CMC1: variants seen among roughly 807,000 people sequenced by gnomAD.
The protein encoded by CMC1 is COX assembly mitochondrial protein homolog.
A neutral mutation model predicts 14.1 loss-of-function variants in CMC1; 14 were observed. That is an observed-to-expected ratio of 0.99 (90% confidence interval 0.66 to 1.55). The LOEUF (loss-of-function observed/expected upper bound fraction) is 1.55, where lower values mean the gene tolerates loss of function less well. Among genes scored for constraint, CMC1 ranks in the 40% most tolerant of loss-of-function variants. The probability of loss-of-function intolerance (pLI) is 0.00; values close to 1 mark genes in which losing one functional copy is unlikely to be tolerated. For synonymous variants in CMC1, 50 were observed against 38.4 expected, an observed-to-expected ratio of 1.30 and a Z score of -1.12; for missense variants, 127 against 123.8, an observed-to-expected ratio of 1.03 and a Z score of -0.12.
intron 2 of CMC1, among the ~76,000 whole-genome samples, chr3:28,265,556 G>A (rs1301568754): frequency 2.0e-5 from 3 of 152,018 alleles, no homozygotes; most frequent in African/African-American, 7.3e-5. Context: ...ATTTTAATAA[G>A]TGATCTGACT....
intron 1 of CMC1, among the ~76,000 whole-genome samples, chr3:28,262,244 C>T (rs1487742806): frequency 6.6e-6 from 1 of 152,114 alleles, no homozygotes; most frequent in East Asian, 1.9e-4. Flanking sequence ...GGGTTTCAGA[C>T]ATTTCATCAG....
At chr3:28,267,128 G>GT (rs1346199176) in intron 2 of CMC1, among the ~76,000 whole-genome samples, 2 of 152,066 alleles carry the variant, frequency 1.3e-5, no homozygotes, top group East Asian at 3.9e-4. Flanking sequence ...TTTTCTAGCT[G>GT]TTTGACTTCA....
chr3:28,300,627 CTCCA>C (rs1291891752), intron 2 of CMC1, among the ~76,000 whole-genome samples: 6 of 128,564 alleles, frequency 4.7e-5, no homozygotes, highest in Admixed American at 3.8e-4. Context: ...CCCTCCCTCC[CTCCA>C]TCCCTTTCCC....
intron 2 of CMC1, among the ~76,000 whole-genome samples, chr3:28,310,285 C>A (rs1012377508): frequency 2.6e-4 from 39 of 152,324 alleles, no homozygotes; most frequent in African/African-American, 9.4e-4. Flanking sequence ...ATTGTTAGCT[C>A]CCACAGAGTA....
intron 2 of CMC1, chr3:28,292,965 G>T (rs935236192): frequency 6.6e-6 from 1 of 152,158 alleles, no homozygotes. Context: ...ATGTATCCAG[G>T]TAAATTTTAC....
intron 2 of CMC1, among the ~76,000 whole-genome samples, chr3:28,305,360 C>T (rs1013146648): frequency 5.9e-5 from 9 of 152,142 alleles, no homozygotes; most frequent in Admixed American, 4.6e-4. Flanking sequence ...CATAACTTTG[C>T]TGTTGTGAGT....
intron 1 of CMC1, among the ~76,000 whole-genome samples, chr3:28,254,331 T>C (rs1234061017): frequency 6.6e-6 from 1 of 152,210 alleles, no homozygotes; most frequent in African/African-American, 2.4e-5. Context: ...AAATTATAAT[T>C]AATAAATCAT....
chr3:28,297,377 A>T (rs1577068670), intron 2 of CMC1, among the ~76,000 whole-genome samples: 3 of 152,178 alleles, frequency 2.0e-5, no homozygotes, highest in Admixed American at 2.0e-4. Flanking sequence ...TTACTGTGGC[A>T]GCCTCATAGG....
intron 1 of CMC1, among the ~76,000 whole-genome samples, chr3:28,253,511 G>A (rs960799271): frequency 2.0e-5 from 3 of 152,056 alleles, no homozygotes; most frequent in African/African-American, 7.2e-5. Flanking sequence ...AACCTGGGAG[G>A]TAGAAGCTGC....
At chr3:28,260,411 T>G (rs1699675093) in intron 1 of CMC1, among the ~76,000 whole-genome samples, 1 of 152,124 alleles carries the variant, frequency 6.6e-6, no homozygotes, top group Admixed American at 6.5e-5. Flanking sequence ...GTTGTCAAGT[T>G]CATTGGCCTA....
intron 2 of CMC1, among the ~76,000 whole-genome samples, chr3:28,275,199 T>C (rs1443434536): frequency 1.3e-5 from 2 of 152,168 alleles, no homozygotes; most frequent in African/African-American, 4.8e-5. Flanking sequence ...TTCTGTGTTT[T>C]TTAGTTGATT....
intron 1 of CMC1, among the ~76,000 whole-genome samples, chr3:28,252,589 A>G (rs938998656): frequency 3.9e-5 from 6 of 152,212 alleles, no homozygotes; most frequent in African/African-American, 7.2e-5. Context: ...TGAATTTTCA[A>G]ATTTTGCTGG....
chr3:28,317,917 A>G (rs1379655517), intron 3 of CMC1: 2 of 151,926 alleles, frequency 1.3e-5, no homozygotes, highest in Admixed American at 1.3e-4. Context: ...GAAATACAAG[A>G]AGAAAATAAC....
At chr3:28,243,340 G>A (rs1454247578) in intron 1 of CMC1, among the ~76,000 whole-genome samples, 1 of 152,180 alleles carries the variant, frequency 6.6e-6, no homozygotes, top group Non-Finnish European at 1.5e-5. Flanking sequence ...ACAGGTGTGA[G>A]CCACCGCACC....
rs186776928 is a variant in CMC1, at chr3:28,279,013, T to C, written c.109+15633T>C. Among the ~76,000 whole-genome samples, 3 of 152,344 alleles carry C rather than the reference T, an allele frequency of 2.0e-5. No homozygotes were observed. In the East Asian group the frequency reaches 5.8e-4, roughly 29 times the overall value. ...AATTTGATAATGAGTTTATTCAGTTTATAAAGAGTTCTGTTTTTGGCATGG... is the reference window on the plus strand; with the variant it reads ...AATTTGATAATGAGTTTATTCAGTTCATAAAGAGTTCTGTTTTTGGCATGG... On this transcript the variant is annotated intron_variant, in intron 2 of 3. Transcript: ENST00000466830.
intron 2 of CMC1, chr3:28,315,053 C>T (rs560826971): frequency 1.3e-5 from 2 of 152,086 alleles, no homozygotes; most frequent in South Asian, 2.1e-4. Flanking sequence ...TTTGTAAGGA[C>T]GATGTTTAAG....
At chr3:28,252,592 T>A (rs943075890) in intron 1 of CMC1, among the ~76,000 whole-genome samples, 33 of 152,182 alleles carry the variant, frequency 2.2e-4, no homozygotes, top group African/African-American at 8.0e-4. Context: ...ATTTTCAAAT[T>A]TTGCTGGTTC....
intron 2 of CMC1, among the ~76,000 whole-genome samples, chr3:28,267,827 T>C (rs1024788298): frequency 6.6e-6 from 1 of 152,192 alleles, no homozygotes; most frequent in Non-Finnish European, 1.5e-5. Context: ...CAGAACAGCA[T>C]TGAAATAGGT....
Position 28,323,938 on chromosome 3 carries a change from C to A in CMC1, c.*4309C>A. On this transcript the variant is annotated 3_prime_UTR_variant, in exon 4 of 4. Coordinates refer to ENST00000466830, the MANE Select transcript of CMC1 (RefSeq NM_182523.2). ...CAAATATAGATACTGAAGACCTCTG[C>A]AAAATTTTAATCAAAATCTCCTTTC... 1 of 1,374,202 alleles carries A rather than the reference C, an allele frequency of 7.3e-7. No individual in the cohort carries two copies. The highest frequency in any genetic ancestry group is 9.9e-7 in the Non-Finnish European group (1 of 1,008,884). The allele number at this position is 1,374,202 out of a possible 1,614,324, so 85.1% of individuals were successfully genotyped here. A position where few individuals can be genotyped will look rare whatever the true frequency, so the allele number is the denominator to read the frequency against.
Sources: allele counts gnomAD v4.1 joint callset (sites outside exome capture counted in the v4.1 genomes callset), GRCh38; gene constraint gnomAD v4.1.1; transcripts MANE v1.5; gene names NCBI Gene and HGNC (gene_info 2026-07-23, HGNC 2026-07-21).